Variants in LZTS2 observed in about 807,000 individuals in gnomAD.
LZTS2 encodes the protein leucine zipper tumor suppressor 2.
Under a neutral mutation model 60.6 loss-of-function variants are expected in LZTS2, and 32 were observed. The ratio of observed to expected loss-of-function variants is 0.53; its 90% CI spans 0.40 to 0.71. The LOEUF is 0.71. Among genes scored for constraint, LZTS2 ranks in the 30% least tolerant of loss-of-function variants. LZTS2 has a pLI of 0.00. For synonymous variants in LZTS2, 360 were observed against 393.1 expected, an observed-to-expected ratio of 0.92 and a Z score of 1.00; for missense variants, 792 against 901.9, an observed-to-expected ratio of 0.88 and a Z score of 1.56.
At position 101,002,856 on chromosome 10, in the gene LZTS2, T is replaced by C. The variant is rs560171547; in HGVS notation, c.318T>C (p.Asp106=). Residue 106 remains aspartate (D), a synonymous_variant, in exon 1 of 4, where the codon GAT becomes GAC. Coordinates refer to ENST00000370220, the Ensembl canonical transcript of LZTS2. ...AGTCACCCCCCAGCCCAAGCAGTGA[T>C]GTTGAGGATGCCCGAGAGCAGCGGG... 3.1e-6 allele frequency: 5 copies of C among 1,613,840 alleles called. No individual in the cohort carries two copies. The African/African-American group carries it at 5.3e-5, about 17-fold the overall frequency.
At chr10:101,006,425 G>A (rs1256102201) in intron 3 of LZTS2, 60 bp from the exon 5 acceptor site, 10 of 1,534,506 alleles carry the variant, frequency 6.5e-6, no homozygotes, top group African/African-American at 1.4e-5. Flanking sequence ...ATGATGTGCA[G>A]GGCCTGTCCC....
intron 2 of LZTS2, among the ~76,000 whole-genome samples, chr10:101,004,414 C>G (rs981960401): frequency 6.6e-6 from 1 of 152,012 alleles, no homozygotes; most frequent in Non-Finnish European, 1.5e-5. Context: ...TGAGACCAAC[C>G]TGGGTAACAT....
At chr10:101,007,448 C>T in exon 4 of LZTS2, 1 of 1,472,940 alleles carries the variant, frequency 6.8e-7, no homozygotes, top group African/African-American at 1.4e-5. Flanking sequence ...ACTGCCAACC[C>T]TGTTCACAGG....
exon 3 of LZTS2, chr10:101,005,686 G>A (rs1292002958): frequency 6.3e-6 from 10 of 1,598,502 alleles, no homozygotes; most frequent in African/African-American, 4.0e-5. Flanking sequence ...GCGGGAGCTC[G>A]GGCCGAGGCT....
intron 1 of LZTS2, 22 bp from the exon 3 acceptor site, chr10:101,003,485 G>A (rs774883212): frequency 6.6e-7 from 1 of 1,513,016 alleles, no homozygotes; most frequent in East Asian, 2.3e-5. Flanking sequence ...CATCTCCAGT[G>A]TCACATGGCA....
chr10:101,003,264 T>C (rs2133972101), intron 1 of LZTS2: 1 of 530,276 alleles, frequency 1.9e-6, no homozygotes, highest in East Asian at 3.1e-5. Flanking sequence ...GCAAGGCCTT[T>C]AACCTTGCTG....
rs998544871 is a variant in LZTS2 at position 101,007,612 on chromosome 10, C to G, written c.*444C>G. Reference sequence around the variant, plus strand: ...TGGGGGACAGGGCCGGGCCTGGGCTCGGTTCCCAGGTTTGAGCTCTGCAGC... The same window carrying G: ...TGGGGGACAGGGCCGGGCCTGGGCTGGGTTCCCAGGTTTGAGCTCTGCAGC... On this transcript the variant is annotated 3_prime_UTR_variant, in exon 4 of 4. Transcript: ENST00000370220. The G allele has an allele frequency of 6.3e-6, 8 of 1,262,512 alleles. No individual in the cohort carries two copies. In the African/African-American group the frequency reaches 1.1e-4, roughly 17 times the overall value. 78.2% of individuals were successfully genotyped at this position (1,262,512 alleles called of 1,614,324 possible).
chr10:101,007,035 G>T, exon 4 of LZTS2: 1 of 1,590,508 alleles, frequency 6.3e-7, no homozygotes, highest in Non-Finnish European at 8.6e-7. Context: ...CAGATGTACC[G>T]GCGCAACCGG....
At position 101,004,026 on chromosome 10, in the gene LZTS2, C is replaced by T. The variant is rs146367352; in HGVS notation, c.928C>T (p.Arg310Cys). Residue 310 changes from arginine (R) to cysteine (C), a missense_variant, in exon 2 of 4, where the codon CGC becomes TGC. Coordinates refer to ENST00000370220, the Ensembl canonical transcript of LZTS2. ...CCCTGACAGCAGCTCCTGTGGGGAGCGCTCACCACCACCCCCGCCTCCACC... is the reference window on the plus strand; with the variant it reads ...CCCTGACAGCAGCTCCTGTGGGGAGTGCTCACCACCACCCCCGCCTCCACC... 27 of 1,613,088 alleles carry T rather than the reference C, an allele frequency of 1.7e-5. No individual in the cohort carries two copies. Among genetic ancestry groups the T allele is most frequent in the African/African-American group, 9.3e-5 (7 of 74,932 alleles).
exon 4 of LZTS2, chr10:101,007,195 A>T: frequency 6.6e-7 from 1 of 1,518,688 alleles, no homozygotes. Flanking sequence ...CTCTGTAGGG[A>T]GCTCTGCCAG....
chr10:101,002,456 C>G (rs566802264), exon 1 of LZTS2: 1 of 1,409,712 alleles, frequency 7.1e-7, no homozygotes, highest in Non-Finnish European at 9.4e-7. Flanking sequence ...CAGGAGGGGT[C>G]TCAAGGTGGA....
intron 1 of LZTS2, 198 bp downstream of exon 2, chr10:101,003,144 C>G: frequency 1.5e-6 from 1 of 673,296 alleles, no homozygotes; most frequent in Non-Finnish European, 2.4e-6. Flanking sequence ...CTAGAACTGA[C>G]ATGAAGGTCA....
exon 4 of LZTS2, chr10:101,007,607 G>A (rs1852256797): frequency 7.9e-7 from 1 of 1,268,988 alleles, no homozygotes; most frequent in Non-Finnish European, 1.0e-6. Flanking sequence ...GGCCGGGCCT[G>A]GGCTCGGTTC....
chr10:101,006,607 T>G lies in LZTS2; in HGVS notation c.1449T>G (p.Ala483=), dbSNP rs111814919. The G allele has an allele frequency of 2.9e-4, 465 of 1,604,748 alleles. 3 individuals carry two copies. In the African/African-American group the frequency reaches 4.8e-3, roughly 17 times the overall value. The stretch of plus-strand genomic sequence containing the variant: ...GGGTGGCGCTGCGGGAGGCCCGTGC[T>G]ACGCTGCGGGTCAGTGAGGGCCGTG... Residue 483 remains alanine, a synonymous_variant, in exon 4 of 4, where the codon GCT becomes GCG. Transcript: ENST00000370220.
exon 2 of LZTS2, chr10:101,003,923 GTCC>G (rs771719778): frequency 1.9e-6 from 3 of 1,611,608 alleles, no homozygotes; most frequent in South Asian, 2.2e-5. Context: ...ACAGTGGCCG[GTCC>G]TCCTCCAGCA....
At chr10:101,006,785 C>T in exon 4 of LZTS2, 3 of 1,550,954 alleles carry the variant, frequency 1.9e-6, no homozygotes, top group Non-Finnish European at 2.6e-6. Flanking sequence ...GCCCCCTGTG[C>T]CACCTGCCAC....
chr10:101,005,669 G>A lies in LZTS2; in HGVS notation c.1280G>A (p.Arg427Gln), dbSNP rs201421630. The change falls in exon 3 of 4, where the codon CGG becomes CAG. Residue 427 changes from arginine to glutamine, a missense_variant. Physicochemically the swap from Arg to Gln is conservative, Grantham distance 43 (BLOSUM62 1). Transcript: ENST00000370220. ...GAGCGGCGCTGCGCCACCTTGGAGC[G>A]GGAGCAGCGGGAGCTCGGGCCGAGG... 313 of 1,604,554 alleles carry A rather than the reference G, an allele frequency of 2.0e-4. No homozygotes were observed. In the Admixed American group the frequency reaches 2.9e-3, roughly 15 times the overall value.
rs767021769 is a variant in LZTS2 at position 101,007,124 on chromosome 10, G to C, written c.1966G>C (p.Ala656Pro). ...CGCTGACCTGGGCCTGGCCGAGCAG[G>C]CCCCCTGCATCTGCCTGGAGGAGAT... is the stretch of plus-strand genomic sequence containing the variant. The change falls in exon 4 of 4, where the codon GCC (alanine) becomes CCC (proline). Residue 656 changes from alanine to proline, a missense_variant. By Grantham distance (27) the Ala-to-Pro change is conservative (BLOSUM62 -1). Coordinates refer to ENST00000370220, the Ensembl canonical transcript of LZTS2. The C allele has an allele frequency of 6.2e-7, 1 of 1,608,960 alleles. No individual in the cohort carries two copies. Among genetic ancestry groups the C allele is most frequent in the African/African-American group, 1.3e-5 (1 of 74,998 alleles).
At chr10:101,006,433 C>G in intron 3 of LZTS2, 52 bp from the exon 5 acceptor site, 1 of 1,548,098 alleles carries the variant, frequency 6.5e-7, no homozygotes, top group Non-Finnish European at 8.7e-7. Context: ...CAGGGCCTGT[C>G]CCCCCAGGAG....
Sources: allele counts gnomAD v4.1 joint callset (sites outside exome capture counted in the v4.1 genomes callset), GRCh38; gene constraint gnomAD v4.1.1; transcripts MANE v1.5; gene names NCBI Gene and HGNC (gene_info 2026-07-23, HGNC 2026-07-21).